ADORA1: variants seen among roughly 807,000 people sequenced by gnomAD.
The protein encoded by ADORA1 is adenosine A1 receptor.
Under a neutral mutation model 19.9 loss-of-function variants are expected in ADORA1, and 6 were observed. That is an observed-to-expected ratio of 0.30 (90% CI 0.17 to 0.59). The LOEUF (loss-of-function observed/expected upper bound fraction) is 0.59. ADORA1 is among the 20% of genes least tolerant of loss of function. The pLI is 0.87. For missense variants in ADORA1, 302 were observed against 439.2 expected (o/e 0.69, Z 2.79); for synonymous variants, 194 against 188.4 (o/e 1.03, Z -0.24).
chr1:203,127,978 G>A (rs1264478835), intron 1 of ADORA1, 50 bp downstream of exon 1: 3 of 188,902 alleles, frequency 1.6e-5, no homozygotes, highest in Non-Finnish European at 3.3e-5. Context: ...GGGGGTGCAG[G>A]AGAGGGTTGA....
intron 3 of ADORA1, among the ~76,000 whole-genome samples, chr1:203,163,413 C>T (rs968063565): frequency 1.3e-5 from 2 of 152,158 alleles, no homozygotes; most frequent in Admixed American, 6.5e-5. Context: ...GCTGAGGGTA[C>T]AGAGGAGGGA....
At chr1:203,132,921 A>T (rs1007100357) in intron 3 of ADORA1, among the ~76,000 whole-genome samples, 2 of 152,082 alleles carry the variant, frequency 1.3e-5, no homozygotes, top group Non-Finnish European at 2.9e-5. Context: ...TTCAGCTCTA[A>T]TTCTGTGGTT....
At chr1:203,164,750 C>CG (rs1265376032) in intron 3 of ADORA1, among the ~76,000 whole-genome samples, 2 of 152,164 alleles carry the variant, frequency 1.3e-5, no homozygotes, top group African/African-American at 4.8e-5. Context: ...TTGGGTGTTT[C>CG]GGTCAGTGTA....
intron 3 of ADORA1, among the ~76,000 whole-genome samples, chr1:203,161,147 T>C (rs1655353300): frequency 6.6e-6 from 1 of 152,252 alleles, no homozygotes; most frequent in Non-Finnish European, 1.5e-5. Context: ...AGAGGTTCAA[T>C]GGGAACCCTC....
chr1:203,160,831 T>C (rs1655340327), intron 3 of ADORA1, among the ~76,000 whole-genome samples: 1 of 152,154 alleles, frequency 6.6e-6, no homozygotes, highest in Non-Finnish European at 1.5e-5. Flanking sequence ...AAATAAATAG[T>C]CAGTGCCCAG....
At chr1:203,143,774 A>C (rs984908356) in intron 3 of ADORA1, among the ~76,000 whole-genome samples, 1 of 152,136 alleles carries the variant, frequency 6.6e-6, no homozygotes, top group African/African-American at 2.4e-5. Flanking sequence ...TGTAGAACGA[A>C]GTTCACATGT....
rs1257891412 is a variant in ADORA1, at chr1:203,128,812, G to T, written c.-30G>T. 2 of 1,560,806 alleles carry T rather than the reference G, an allele frequency of 1.3e-6. No homozygotes were observed. Among genetic ancestry groups the T allele is most frequent in the African/African-American group, 2.7e-5 (2 of 74,278 alleles). The stretch of plus-strand genomic sequence containing the variant: ...GCTTGCCTCGTGCCCCTTGGTGCCC[G>T]TCTGCTGATGTGCCCAGCCTGTGCC... On this transcript the variant is annotated 5_prime_UTR_variant, in exon 3 of 4. Coordinates refer to ENST00000337894, the MANE Select transcript of ADORA1 (RefSeq NM_000674.3). The surrounding 1 kb of genome is among the most constrained non-coding windows in gnomAD (Gnocchi z 5.9).
Position 203,151,401 on chromosome 1 carries a change from G to T in ADORA1, c.342-13860G>T, listed in dbSNP as rs188266243. Among the ~76,000 whole-genome samples the T allele has an allele frequency of 1.1e-4, 17 of 152,348 alleles. No individual in the cohort carries two copies. In the East Asian group the frequency reaches 3.1e-3, roughly 28 times the overall value. ...CCCGTTCTGTACGAAGGTTGAATTA[G>T]GTAGGAGAGCTGGCTGTGAAATAGA... On this transcript the variant is annotated intron_variant, in intron 3 of 3. Transcript: ENST00000337894.
At chr1:203,143,011 G>C (rs1654743826) in intron 3 of ADORA1, among the ~76,000 whole-genome samples, 1 of 152,220 alleles carries the variant, frequency 6.6e-6, no homozygotes, top group African/African-American at 2.4e-5. Flanking sequence ...AGAGTGGCCT[G>C]GATGACAATG....
Position 203,165,248 on chromosome 1 carries a change from T to C in ADORA1, c.342-13T>C. The C allele has an allele frequency of 6.3e-7, 1 of 1,594,214 alleles. No individual in the cohort carries two copies. Among genetic ancestry groups the C allele is most frequent in the East Asian group, 2.2e-5 (1 of 44,666 alleles). ...GGAGGCAGATCCTCACACTCTGCCC[T>C]CCTCTCCCCCAGGTACAAGATGGTG... On this transcript the variant is annotated splice_polypyrimidine_tract_variant and intron_variant, in intron 3 of 3. Transcript: ENST00000337894. The surrounding 1 kb of genome is among the most constrained non-coding windows in gnomAD (Gnocchi z 5.9).
chr1:203,162,450 A>G (rs1655402143), intron 3 of ADORA1, among the ~76,000 whole-genome samples: 1 of 152,006 alleles, frequency 6.6e-6, no homozygotes. Flanking sequence ...TAGGGCTATC[A>G]CTGTCTACCT....
chr1:203,158,380 G>A (rs1363331206), intron 3 of ADORA1, among the ~76,000 whole-genome samples: 1 of 152,150 alleles, frequency 6.6e-6, no homozygotes, highest in Non-Finnish European at 1.5e-5. Context: ...CTTGTTTCTT[G>A]TTTCCATCTG....
At chr1:203,138,100 A>G (rs992946029) in intron 3 of ADORA1, among the ~76,000 whole-genome samples, 16 of 152,236 alleles carry the variant, frequency 1.1e-4, no homozygotes, top group African/African-American at 3.9e-4. Flanking sequence ...GAATTTTCCT[A>G]TAGATTGGAT....
At chr1:203,149,580 C>T (rs1262867701) in intron 3 of ADORA1, among the ~76,000 whole-genome samples, 1 of 152,156 alleles carries the variant, frequency 6.6e-6, no homozygotes, top group Non-Finnish European at 1.5e-5. Context: ...GTGTTAGACT[C>T]CTGTGAGAAC....
intron 3 of ADORA1, among the ~76,000 whole-genome samples, chr1:203,132,036 T>A (rs542121448): frequency 6.6e-6 from 1 of 152,358 alleles, no homozygotes; most frequent in African/African-American, 2.4e-5. Context: ...AAATTTTCTT[T>A]CTTTCTACTT....
chr1:203,143,558 T>TG (rs397863682), intron 3 of ADORA1, among the ~76,000 whole-genome samples: 44,015 of 150,732 alleles, frequency 0.29, 7,914 homozygotes, highest in African/African-American at 0.52. Flanking sequence ...TGTGTGTGTG[T>TG]TTGTGTGTGC....
chr1:203,155,632 G>C (rs1181672235), intron 3 of ADORA1, among the ~76,000 whole-genome samples: 1 of 152,244 alleles, frequency 6.6e-6, no homozygotes, highest in Non-Finnish European at 1.5e-5. Context: ...GGGGAGGTGA[G>C]TTCTGGCCAG....
At chr1:203,164,750 C>T (rs1195036047) in intron 3 of ADORA1, among the ~76,000 whole-genome samples, 4 of 152,164 alleles carry the variant, frequency 2.6e-5, no homozygotes, top group African/African-American at 7.2e-5. Flanking sequence ...TTGGGTGTTT[C>T]GGTCAGTGTA....
intron 3 of ADORA1, among the ~76,000 whole-genome samples, chr1:203,164,821 T>C (rs1558139689): frequency 6.6e-6 from 1 of 152,206 alleles, no homozygotes; most frequent in Non-Finnish European, 1.5e-5. Flanking sequence ...GGGCAGATCC[T>C]GTGATTACTT....
Sources: allele counts gnomAD v4.1 joint callset (sites outside exome capture counted in the v4.1 genomes callset), GRCh38; gene constraint gnomAD v4.1.1; non-coding constraint Gnocchi (gnomAD v3.1); transcripts MANE v1.5; gene names NCBI Gene and HGNC (gene_info 2026-07-23, HGNC 2026-07-21).